The following FOXN3 variants were observed in gnomAD, a reference collection of about 807,000 sequenced individuals.
FOXN3 encodes forkhead box N3, also known as forkhead box protein N3.
Under a neutral mutation model 38.4 loss-of-function variants are expected in FOXN3, and 7 were observed. The ratio of observed to expected loss-of-function variants is 0.18; its 90% confidence interval spans 0.10 to 0.34. The LOEUF is 0.34. FOXN3 is among the 10% of genes least tolerant of loss of function. The pLI is 1.00. For missense variants in FOXN3, 456 were observed against 613.4 expected (o/e 0.74, Z 2.71); for synonymous variants, 230 against 242.2 (o/e 0.95, Z 0.47).
intron 4 of FOXN3, among the ~76,000 whole-genome samples, chr14:89,246,816 A>G (rs1488257105): frequency 6.6e-6 from 1 of 152,022 alleles, no homozygotes; most frequent in African/African-American, 2.4e-5. Context: ...TGGGATTACA[A>G]GCGTGAGCCA....
chr14:89,174,942 C>G (rs1566921218), intron 5 of FOXN3, among the ~76,000 whole-genome samples: 1 of 152,128 alleles, frequency 6.6e-6, no homozygotes, highest in Non-Finnish European at 1.5e-5. Flanking sequence ...GAACAAAATA[C>G]AACACTAGAA....
At chr14:89,367,191 G>C (rs1196753197) in intron 2 of FOXN3, among the ~76,000 whole-genome samples, 1 of 152,102 alleles carries the variant, frequency 6.6e-6, no homozygotes, top group Non-Finnish European at 1.5e-5. Context: ...AACTTTCCTG[G>C]GAGTTCCTGG....
intron 1 of FOXN3, among the ~76,000 whole-genome samples, chr14:89,555,375 T>C (rs776479496): frequency 2.6e-5 from 4 of 152,228 alleles, no homozygotes; most frequent in Non-Finnish European, 5.9e-5. Context: ...GAGGCTCTGC[T>C]TCTCACCTCA....
upstream of FOXN3, among the ~76,000 whole-genome samples, chr14:89,420,163 C>G (rs555246666): frequency 1.3e-5 from 2 of 152,380 alleles, no homozygotes; most frequent in South Asian, 4.1e-4. Context: ...GGGCTGCCAG[C>G]AGCAAGCCCT....
At chr14:89,395,423 T>G (rs1015938716) in intron 2 of FOXN3, among the ~76,000 whole-genome samples, 1 of 152,128 alleles carries the variant, frequency 6.6e-6, no homozygotes, top group Non-Finnish European at 1.5e-5. Context: ...TAACACCTAG[T>G]TCAATGCTCA....
intron 4 of FOXN3, among the ~76,000 whole-genome samples, chr14:89,193,274 G>C (rs1888011035): frequency 6.6e-6 from 1 of 151,924 alleles, no homozygotes. Flanking sequence ...GAAGTCTGGA[G>C]TCTTTTCCTA....
intron 1 of FOXN3, among the ~76,000 whole-genome samples, chr14:89,618,775 CT>C (rs10649488): frequency 8.4e-4 from 122 of 145,352 alleles, no homozygotes; most frequent in Middle Eastern, 3.5e-3. Context: ...TCCTAAGAAA[CT>C]TTTTTTTTTT....
chr14:89,531,431 A>C (rs1455275623), intron 1 of FOXN3, among the ~76,000 whole-genome samples: 2 of 152,230 alleles, frequency 1.3e-5, no homozygotes, highest in Non-Finnish European at 2.9e-5. Flanking sequence ...TAACTCATCC[A>C]AGCAAGTTCA....
chr14:89,540,737 C>CAAA (rs34410482), intron 1 of FOXN3, among the ~76,000 whole-genome samples: 3 of 91,242 alleles, frequency 3.3e-5, no homozygotes, highest in Admixed American at 1.1e-4. Flanking sequence ...GACTATGTCT[C>CAAA]AAAAAAAAAA....
intron 1 of FOXN3, among the ~76,000 whole-genome samples, chr14:89,550,002 G>A (rs1443560952): frequency 6.6e-6 from 1 of 152,184 alleles, no homozygotes; most frequent in Non-Finnish European, 1.5e-5. Context: ...AATGCATGCG[G>A]CATCACAAGC....
intron 4 of FOXN3, among the ~76,000 whole-genome samples, chr14:89,253,259 G>A (rs910522253): frequency 3.9e-5 from 6 of 152,314 alleles, no homozygotes; most frequent in East Asian, 3.9e-4. Flanking sequence ...CCGGCATCGC[G>A]GAAAAGAGCC....
intron 4 of FOXN3, among the ~76,000 whole-genome samples, chr14:89,223,609 T>C (rs955746727): frequency 6.6e-6 from 1 of 152,206 alleles, no homozygotes; most frequent in Admixed American, 6.5e-5. Flanking sequence ...GGTAGGTCCC[T>C]TTCAGAAAGC....
chr14:89,418,158 G>A (rs1596264475), upstream of FOXN3, among the ~76,000 whole-genome samples: 1 of 152,166 alleles, frequency 6.6e-6, no homozygotes, highest in Non-Finnish European at 1.5e-5. Flanking sequence ...AAATAAAAAT[G>A]TGATTGCACA....
intron 1 of FOXN3, among the ~76,000 whole-genome samples, chr14:89,477,834 T>C (rs1335989695): frequency 6.6e-6 from 1 of 152,040 alleles, no homozygotes; most frequent in African/African-American, 2.4e-5. Flanking sequence ...GTCAATTTTT[T>C]ATGGCAATCG....
At chr14:89,211,011 A>G (rs1376697102) in intron 4 of FOXN3, among the ~76,000 whole-genome samples, 1 of 152,242 alleles carries the variant, frequency 6.6e-6, no homozygotes, top group Non-Finnish European at 1.5e-5. Flanking sequence ...CAAAAAACAA[A>G]AGAGAATAGC....
At chr14:89,572,711 A>G (rs35533056) in intron 1 of FOXN3, among the ~76,000 whole-genome samples, 65,569 of 152,168 alleles carry the variant, frequency 0.43, 18,174 homozygotes, top group Non-Finnish European at 0.62. Flanking sequence ...GAAAGAACAG[A>G]GGTTGGGAAC....
chr14:89,442,012 C>T (rs1047645651), intron 1 of FOXN3, among the ~76,000 whole-genome samples: 1 of 151,272 alleles, frequency 6.6e-6, no homozygotes, highest in Admixed American at 6.6e-5. Context: ...CCGCAACCTC[C>T]GCCTCCCAGG....
intron 2 of FOXN3, among the ~76,000 whole-genome samples, chr14:89,396,155 T>TAAGCACATTTTCAGAAGTTACAAACAGA (rs1891093598): frequency 6.6e-6 from 1 of 152,214 alleles, no homozygotes; most frequent in South Asian, 2.1e-4. Flanking sequence ...CTCAAAGACT[T>TAAGCACATTTTCAGAAGTTACAAACAGA]AAGCACATTT....
intron 4 of FOXN3, among the ~76,000 whole-genome samples, chr14:89,225,938 A>G (rs1884622641): frequency 6.6e-6 from 1 of 152,142 alleles, no homozygotes; most frequent in African/African-American, 2.4e-5. Context: ...TTCTCTACCC[A>G]TCTTATAGGT....
Sources: gnomAD v4.1 joint callset for allele counts (sites outside exome capture counted in the v4.1 genomes callset) on GRCh38, gnomAD v4.1.1 for gene constraint, MANE v1.5 for transcripts, NCBI Gene and HGNC (gene_info 2026-07-23, HGNC 2026-07-21) for gene names.